Variants in PCDHA5 observed in about 807,000 individuals in gnomAD.
PCDHA5 encodes protocadherin alpha 5, also known as protocadherin alpha-5.
Under a neutral mutation model 61.6 loss-of-function variants are expected in PCDHA5, and 43 were observed. That is an observed-to-expected ratio of 0.70 (90% CI 0.55 to 0.90). The LOEUF (loss-of-function observed/expected upper bound fraction) is 0.90. Ranked by LOEUF, PCDHA5 falls within the 40% of genes least tolerant of loss-of-function variation. The pLI is 0.00. For missense variants in PCDHA5, 1,298 were observed against 1,222.7 expected (o/e 1.06, Z -0.92); for synonymous variants, 627 against 543.9 (o/e 1.15, Z -2.13).
chr5:140,968,203 G>A, intron 1 of PCDHA5: 5 of 1,614,018 alleles, frequency 3.1e-6, no homozygotes, highest in Non-Finnish European at 4.2e-6. Context: ...TCTACATACA[G>A]GAGAACAATT....
intron 1 of PCDHA5, chr5:140,969,204 C>T (rs1453693936): frequency 3.2e-5 from 51 of 1,613,996 alleles, no homozygotes; most frequent in African/African-American, 1.5e-4. Context: ...AATACAGGGG[C>T]CCAGACAGGA....
intron 1 of PCDHA5, among the ~76,000 whole-genome samples, chr5:140,838,259 G>T (rs975965491): frequency 6.8e-6 from 1 of 146,930 alleles, no homozygotes; most frequent in Admixed American, 6.9e-5. Flanking sequence ...GATTAAAGAC[G>T]CCAACAACCA....
chr5:140,870,305 A>G lies in PCDHA5; in HGVS notation c.2352+46178A>G, dbSNP rs201733980. 1.4e-4 allele frequency: 226 copies of G among 1,614,156 alleles called. No homozygotes were observed. In the African/African-American group the frequency reaches 2.3e-3, roughly 17 times the overall value. On this transcript the variant is annotated intron_variant, in intron 1 of 3. Transcript: ENST00000529859. ...CCCTTCAAGCTGGTGTCCACCTTCA[A>G]GAATTACTACTCGTTGGTGCTGGAC...
chr5:140,980,102 C>A (rs782586995), intron 2 of PCDHA5, among the ~76,000 whole-genome samples: 1 of 152,192 alleles, frequency 6.6e-6, no homozygotes, highest in Non-Finnish European at 1.5e-5. Flanking sequence ...GGTAAGATGT[C>A]ACATTGGAAC....
In PCDHA5 at chr5:140,927,497, T is replaced by G. The variant is rs199998669; in HGVS notation, c.2353-51452T>G. ...GAACAGCGCGCCACCCACCTGCTGGTGCTTACAGCTCGGGACGGCGGGCTA... is the reference window on the plus strand; with the variant it reads ...GAACAGCGCGCCACCCACCTGCTGGGGCTTACAGCTCGGGACGGCGGGCTA... On this transcript the variant is annotated intron_variant, in intron 1 of 3. Coordinates refer to ENST00000529859, the MANE Select transcript of PCDHA5 (RefSeq NM_018908.3). The G allele has an allele frequency of 2.0e-4, 325 of 1,614,094 alleles. No homozygotes were observed. The highest frequency in any genetic ancestry group is 2.6e-4 in the Non-Finnish European group (305 of 1,180,030).
chr5:141,009,595 C>G (rs781807814), intron 3 of PCDHA5, 32 bp from the exon 4 acceptor site: 1 of 1,604,124 alleles, frequency 6.2e-7, no homozygotes, highest in Non-Finnish European at 8.5e-7. Flanking sequence ...TGTGTTGACC[C>G]TGTTAATGAT....
chr5:140,926,629 G>A, intron 1 of PCDHA5: 1 of 406,364 alleles, frequency 2.5e-6, no homozygotes, highest in African/African-American at 2.1e-5. Context: ...GCGGCGCTGC[G>A]CTCCTCAACA....
At chr5:140,937,067 T>C (rs2091302961) in intron 1 of PCDHA5, among the ~76,000 whole-genome samples, 1 of 148,650 alleles carries the variant, frequency 6.7e-6, no homozygotes, top group South Asian at 2.1e-4. Flanking sequence ...AGACGGAGTC[T>C]CGCTCTGTCG....
chr5:140,919,080 T>C (rs1208413625), intron 1 of PCDHA5, among the ~76,000 whole-genome samples: 1 of 152,260 alleles, frequency 6.6e-6, no homozygotes, highest in Non-Finnish European at 1.5e-5. Flanking sequence ...GTTATGACTA[T>C]TGAATTGTCT....
intron 1 of PCDHA5, chr5:140,849,371 G>C: frequency 6.7e-7 from 1 of 1,495,460 alleles, no homozygotes. Flanking sequence ...TAAAATCCAA[G>C]TTCCACATGG....
At chr5:140,968,401 C>T (rs1554230667) in intron 1 of PCDHA5, 1 of 1,613,984 alleles carries the variant, frequency 6.2e-7, no homozygotes, top group South Asian at 1.1e-5. Context: ...TTCGGGAGTT[C>T]TTTGTGACTG....
intron 1 of PCDHA5, among the ~76,000 whole-genome samples, chr5:140,839,899 GAAGT>G (rs1776458768): frequency 6.6e-6 from 1 of 152,000 alleles, no homozygotes; most frequent in African/African-American, 2.4e-5. Flanking sequence ...AGAAAAAGAT[GAAGT>G]AATAGAAGAA....
intron 1 of PCDHA5, chr5:140,866,771 G>T (rs1274249290): frequency 2.0e-5 from 3 of 152,268 alleles, no homozygotes; most frequent in Non-Finnish European, 2.9e-5. Flanking sequence ...CAGGCAGATT[G>T]TATGTCCTGA....
At chr5:140,956,925 G>GA (rs1487375223) in intron 1 of PCDHA5, among the ~76,000 whole-genome samples, 1 of 151,858 alleles carries the variant, frequency 6.6e-6, no homozygotes, top group Non-Finnish European at 1.5e-5. Context: ...AATCTTGCTG[G>GA]ATATAGGATA....
chr5:140,821,992 C>T lies in PCDHA5; in HGVS notation c.217C>T (p.Leu73Phe), dbSNP rs2150112812. Residue 73 changes from leucine to phenylalanine, a missense_variant, in exon 1 of 4, where the codon CTT (leucine) becomes TTT (phenylalanine). Physicochemically the swap from Leu to Phe is conservative, Grantham distance 22. Coordinates refer to ENST00000529859, the MANE Select transcript of PCDHA5 (RefSeq NM_018908.3). ...GGTGGCGTCCAAGGGCCGCGGGGAC[C>T]TTCTGGAGGTAAATCTGCAGAATGG... ...FRVASKGRGD[L>F]LEVNLQNGIL... 1.2e-6 allele frequency: 2 copies of T among 1,614,186 alleles called. No individual in the cohort carries two copies. Among genetic ancestry groups the T allele is most frequent in the East Asian group, 2.2e-5 (1 of 44,888 alleles).
intron 1 of PCDHA5, among the ~76,000 whole-genome samples, chr5:140,923,413 G>T (rs2081347795): frequency 6.6e-6 from 1 of 152,062 alleles, no homozygotes; most frequent in Non-Finnish European, 1.5e-5. Context: ...CTATAATCCT[G>T]GCTACTTGGG....
chr5:140,931,693 A>G (rs1001252056), intron 1 of PCDHA5, among the ~76,000 whole-genome samples: 1 of 152,004 alleles, frequency 6.6e-6, no homozygotes, highest in African/African-American at 2.4e-5. Context: ...ATTGTGATTC[A>G]TAAAACCATG....
Position 140,822,181 on chromosome 5 carries a change from G to A in PCDHA5, c.406G>A (p.Glu136Lys). The A allele has an allele frequency of 6.2e-7, 1 of 1,614,198 alleles. No individual in the cohort carries two copies. Among genetic ancestry groups the A allele is most frequent in the Non-Finnish European group, 8.5e-7 (1 of 1,180,000 alleles). ...NDNPPRFSRQEQRLFILESRM... is the reference protein window; with the variant it reads ...NDNPPRFSRQKQRLFILESRM... The stretch of plus-strand genomic sequence containing the variant: ...CAATCCGCCCAGGTTCTCCAGACAA[G>A]AACAAAGATTATTCATTTTAGAGTC... The change falls in exon 1 of 4, where the codon GAA becomes AAA. Residue 136 changes from glutamate (E) to lysine (K), a missense_variant. Coordinates refer to ENST00000529859, the MANE Select transcript of PCDHA5 (RefSeq NM_018908.3).
At chr5:140,892,469 A>T (rs557049666) in intron 1 of PCDHA5, among the ~76,000 whole-genome samples, 1 of 152,184 alleles carries the variant, frequency 6.6e-6, no homozygotes, top group Admixed American at 6.5e-5. Context: ...ACGGTTATTC[A>T]GTTTCCTAGC....
Sources: gnomAD v4.1 joint callset for allele counts (sites outside exome capture counted in the v4.1 genomes callset) on GRCh38, gnomAD v4.1.1 for gene constraint, MANE v1.5 for transcripts, NCBI Gene and HGNC (gene_info 2026-07-23, HGNC 2026-07-21) for gene names.